Variants in DPP6 observed in about 807,000 individuals in gnomAD.
DPP6 encodes dipeptidyl peptidase like 6.
In DPP6, 69 loss-of-function variants were observed where a neutral mutation model predicts 122.6. The ratio of observed to expected loss-of-function variants is 0.56; its 90% CI spans 0.46 to 0.69. The LOEUF is 0.69. DPP6 is among the 30% of genes least tolerant of loss of function. The probability of loss-of-function intolerance (pLI) is 0.00; values close to 1 mark genes in which losing one functional copy is unlikely to be tolerated. For missense variants in DPP6, 928 were observed against 1,116.9 expected (o/e 0.83, Z 2.41); for synonymous variants, 418 against 433.1 (o/e 0.97, Z 0.43).
rs77580990 is a variant in DPP6, at chr7:154,262,832, C to T, written c.244-183382C>T. On this transcript the variant is annotated intron_variant, in intron 1 of 25. Transcript: ENST00000377770. ...TGTGGCCCAGCTGAGGATAGCTTCTCGAGATACCCTTATGGTTTAACTGTA... is the reference window on the plus strand; with the variant it reads ...TGTGGCCCAGCTGAGGATAGCTTCTTGAGATACCCTTATGGTTTAACTGTA... Among the ~76,000 whole-genome samples, 406 of 152,210 alleles carry T rather than the reference C, an allele frequency of 2.7e-3. 6 individuals are homozygous for T. The East Asian group carries it at 0.037, about 14-fold the overall frequency.
At chr7:154,830,892 C>A (rs1418689869) in intron 16 of DPP6, among the ~76,000 whole-genome samples, 3 of 152,226 alleles carry the variant, frequency 2.0e-5, no homozygotes, top group African/African-American at 7.2e-5. Context: ...GGCTTAAGAT[C>A]CCTTTGGTAG....
chr7:154,853,717 G>C (rs1045886194), intron 16 of DPP6, 63 bp from the exon 17 acceptor site: 1 of 1,373,722 alleles, frequency 7.3e-7, no homozygotes, highest in East Asian at 3.0e-5. Flanking sequence ...CTGTTTTCTT[G>C]TTCTCGGCTA....
intron 10 of DPP6, among the ~76,000 whole-genome samples, chr7:154,783,285 T>C (rs1433304517): frequency 6.6e-6 from 1 of 152,166 alleles, no homozygotes; most frequent in African/African-American, 2.4e-5. Context: ...CTGCCTGTGA[T>C]TGCTGCGAAA....
At chr7:153,918,457 C>T (rs1800428717) in intron 1 of DPP6, among the ~76,000 whole-genome samples, 2 of 137,836 alleles carry the variant, frequency 1.5e-5, no homozygotes, top group South Asian at 2.7e-4. Flanking sequence ...CACACACACA[C>T]ACACACACAC....
At chr7:154,313,685 G>GTGTGTGTGTATATATATATAGATATATA in intron 1 of DPP6, among the ~76,000 whole-genome samples, 1 of 20,468 alleles carries the variant, frequency 4.9e-5, no homozygotes, top group African/African-American at 1.3e-4. Context: ...TTAAGATATG[G>GTGTGTGTGTATATATATATAGATATATA]TATATATATA....
the DPP6 span, among the ~76,000 whole-genome samples, chr7:153,819,077 CTT>C: frequency 3.0e-5 from 3 of 99,888 alleles, no homozygotes; most frequent in African/African-American, 9.0e-5. Flanking sequence ...CTTTTCTTTT[CTT>C]TTTTTTTTTT....
chr7:154,401,127 G>C (rs886177582), intron 1 of DPP6, among the ~76,000 whole-genome samples: 10 of 151,890 alleles, frequency 6.6e-5, no homozygotes, highest in Non-Finnish European at 7.4e-5. Flanking sequence ...AACCTGGGAG[G>C]TGTAGGGTGC....
rs1364505098 is a variant in DPP6 at position 153,978,199 on chromosome 7, A to G, written c.51+90465A>G. Among the ~76,000 whole-genome samples the G allele has an allele frequency of 2.6e-5, 4 of 152,170 alleles. No individual in the cohort carries two copies. In the East Asian group the frequency reaches 7.7e-4, roughly 29 times the overall value. On this transcript the variant is annotated intron_variant, in intron 1 of 25. Transcript: ENST00000404039. ...TGTAAAAGCGTTCTTATTTCCCCACATCCTCTCCAGCATCTGTTGTTTCCT... is the reference window on the plus strand; with the variant it reads ...TGTAAAAGCGTTCTTATTTCCCCACGTCCTCTCCAGCATCTGTTGTTTCCT...
At chr7:153,937,218 C>T (rs908989289) in intron 1 of DPP6, among the ~76,000 whole-genome samples, 17 of 152,096 alleles carry the variant, frequency 1.1e-4, no homozygotes, top group African/African-American at 3.6e-4. Flanking sequence ...CCCTGTGGGC[C>T]TCCAGCTTCC....
chr7:154,231,359 C>A (rs10258590), intron 1 of DPP6, among the ~76,000 whole-genome samples: 32,227 of 152,060 alleles, frequency 0.21, 6,162 homozygotes, highest in African/African-American at 0.51. Flanking sequence ...GCTGAGCATC[C>A]CAGTTTTGGG....
At chr7:154,800,484 C>T (rs80062986) in intron 12 of DPP6, among the ~76,000 whole-genome samples, 3,061 of 152,318 alleles carry the variant, frequency 0.02, 205 homozygotes, top group Admixed American at 0.14. Flanking sequence ...CAAGGTACCG[C>T]GGTAGCAAAA....
intron 1 of DPP6, among the ~76,000 whole-genome samples, chr7:153,970,644 A>G (rs990724460): frequency 7.9e-5 from 12 of 152,172 alleles, no homozygotes; most frequent in African/African-American, 2.9e-4. Context: ...TAGCTCTGTA[A>G]TACAGTTCAT....
chr7:153,796,762 G>C, the DPP6 span, among the ~76,000 whole-genome samples: 4 of 152,138 alleles, frequency 2.6e-5, no homozygotes, highest in African/African-American at 9.6e-5. Context: ...AAAATCTCTG[G>C]TCAGCTTCCT....
In DPP6 at chr7:154,655,620, C is replaced by G. The variant is rs183286417; in HGVS notation, c.681-13740C>G. Among the ~76,000 whole-genome samples, 1,163 of 152,366 alleles carry G rather than the reference C, an allele frequency of 7.6e-3. 8 individuals are homozygous for G. Among genetic ancestry groups the G allele is most frequent in the Middle Eastern group, 0.041 (12 of 294 alleles). On this transcript the variant is annotated intron_variant, in intron 6 of 25. Transcript: ENST00000377770. ...TGCCTGTCTTCCTCTCTGTCACACA[C>G]ACACCTCTAAGAATTTCAGCAGAAT...
upstream of DPP6, among the ~76,000 whole-genome samples, chr7:154,050,619 A>G (rs1800252137): frequency 1.3e-5 from 2 of 150,632 alleles, no homozygotes; most frequent in African/African-American, 2.5e-5. Flanking sequence ...TTTTCTATCT[A>G]TCTAATTGTG....
chr7:153,909,017 G>T (rs185681386), intron 1 of DPP6, among the ~76,000 whole-genome samples: 4 of 152,310 alleles, frequency 2.6e-5, no homozygotes, highest in Non-Finnish European at 1.5e-5. Flanking sequence ...CTTCCAAAGT[G>T]CTGGGATTAC....
chr7:154,788,552 G>A (rs1273532072), intron 10 of DPP6, among the ~76,000 whole-genome samples: 1 of 152,040 alleles, frequency 6.6e-6, no homozygotes, highest in African/African-American at 2.4e-5. Flanking sequence ...CAGAAAGGAG[G>A]AGAAGCTTCA....
At chr7:153,819,066 C>CCCTTTT in the DPP6 span, among the ~76,000 whole-genome samples, 1 of 91,380 alleles carries the variant, frequency 1.1e-5, no homozygotes, top group African/African-American at 4.4e-5. Context: ...TTTTTTTTCC[C>CCCTTTT]CTTTTCTTTT....
intron 1 of DPP6, among the ~76,000 whole-genome samples, chr7:153,988,909 C>G (rs191184657): frequency 3.4e-5 from 5 of 148,868 alleles, no homozygotes; most frequent in East Asian, 2.0e-4. Context: ...GGAAGTCAGG[C>G]GGGCCAGCGC....
Sources: allele counts gnomAD v4.1 joint callset (sites outside exome capture counted in the v4.1 genomes callset), GRCh38; gene constraint gnomAD v4.1.1; transcripts MANE v1.5; gene names NCBI Gene and HGNC (gene_info 2026-07-23, HGNC 2026-07-21).